The following TBC1D5 variants were observed in gnomAD, a reference collection of about 807,000 sequenced individuals.
The protein encoded by TBC1D5 is TBC1 domain family, member 5.
In TBC1D5, 75 loss-of-function variants were observed where a neutral mutation model predicts 100.3. The observed-to-expected ratio is 0.75, with a 90% CI of 0.62 to 0.91. TBC1D5 has a LOEUF of 0.91. TBC1D5 is among the 40% of genes least tolerant of loss of function. The pLI, the probability that TBC1D5 is intolerant of heterozygous loss-of-function variation, is 0.00. For synonymous variants in TBC1D5, 323 were observed against 325.6 expected, an observed-to-expected ratio of 0.99 and a Z score of 0.09; for missense variants, 910 against 942.4, an observed-to-expected ratio of 0.97 and a Z score of 0.45.
chr3:17,186,864 T>A (rs962202676), intron 18 of TBC1D5, among the ~76,000 whole-genome samples: 9 of 151,644 alleles, frequency 5.9e-5, no homozygotes, highest in African/African-American at 2.2e-4. Flanking sequence ...ATCCTGCAAG[T>A]GTAGCAGCCT....
At chr3:17,712,676 T>C (rs1024701601) in intron 1 of TBC1D5, among the ~76,000 whole-genome samples, 1 of 152,208 alleles carries the variant, frequency 6.6e-6, no homozygotes, top group Admixed American at 6.5e-5. Context: ...GGAGCAGAAG[T>C]ATCACTTCTC....
chr3:17,614,385 C>G (rs186418107), intron 2 of TBC1D5, among the ~76,000 whole-genome samples: 112 of 152,238 alleles, frequency 7.4e-4, no homozygotes, highest in Admixed American at 1.8e-3. Context: ...TTTTTGGTTC[C>G]ATATGAACTT....
chr3:17,211,264 A>T (rs1408344729), intron 18 of TBC1D5, among the ~76,000 whole-genome samples: 1 of 152,240 alleles, frequency 6.6e-6, no homozygotes, highest in Non-Finnish European at 1.5e-5. Flanking sequence ...GAGTATATTT[A>T]TAGCTGTGTA....
chr3:17,258,455 T>C, intron 16 of TBC1D5, 51 bp downstream of exon 16: 1 of 1,550,048 alleles, frequency 6.5e-7, no homozygotes, highest in Non-Finnish European at 8.8e-7. Flanking sequence ...CCTGATGATC[T>C]CTGAGACTAC....
At chr3:17,608,980 C>T (rs1392331445) in intron 2 of TBC1D5, among the ~76,000 whole-genome samples, 6 of 152,180 alleles carry the variant, frequency 3.9e-5, no homozygotes, top group Admixed American at 2.6e-4. Context: ...ACACTTATTC[C>T]TTACCATTTG....
intron 1 of TBC1D5, among the ~76,000 whole-genome samples, chr3:17,628,127 G>C (rs1016234758): frequency 5.9e-5 from 9 of 152,216 alleles, no homozygotes; most frequent in Admixed American, 3.9e-4. Context: ...CCAGCACTTT[G>C]GAAGGCTGAG....
chr3:17,542,658 TTTA>T (rs981530312), intron 2 of TBC1D5, among the ~76,000 whole-genome samples: 7 of 152,258 alleles, frequency 4.6e-5, no homozygotes, highest in Non-Finnish European at 8.8e-5. Context: ...ATTGAGAGTT[TTTA>T]TTAAGAAATA....
At chr3:17,602,797 G>C (rs549070348) in intron 2 of TBC1D5, among the ~76,000 whole-genome samples, 8 of 151,528 alleles carry the variant, frequency 5.3e-5, no homozygotes, top group African/African-American at 1.5e-4. Context: ...GGATGGTCTC[G>C]ATCTCCTGAC....
chr3:17,163,627 A>G (rs2066305210), intron 21 of TBC1D5, among the ~76,000 whole-genome samples: 1 of 152,008 alleles, frequency 6.6e-6, no homozygotes, highest in South Asian at 2.1e-4. Context: ...TCCCAGACCT[A>G]CCTCATTTCA....
At chr3:17,556,666 CTGATT>C (rs1426471019) in intron 2 of TBC1D5, among the ~76,000 whole-genome samples, 2 of 152,150 alleles carry the variant, frequency 1.3e-5, no homozygotes, top group East Asian at 3.8e-4. Context: ...TAAATTAGCT[CTGATT>C]TATCAAAAAG....
intron 2 of TBC1D5, among the ~76,000 whole-genome samples, chr3:17,591,645 C>T (rs117970196): frequency 0.017 from 2,522 of 152,094 alleles, 51 homozygotes; most frequent in South Asian, 0.048. Flanking sequence ...CAGTGGGTCC[C>T]CTGACTCAGC....
intron 3 of TBC1D5, among the ~76,000 whole-genome samples, chr3:17,495,234 T>A (rs983778491): frequency 1.4e-4 from 22 of 152,272 alleles, no homozygotes; most frequent in African/African-American, 4.6e-4. Flanking sequence ...TGCAGCTTCC[T>A]GCATTTTATA....
At chr3:17,380,862 T>A (rs1349356526) in intron 9 of TBC1D5, among the ~76,000 whole-genome samples, 1 of 152,084 alleles carries the variant, frequency 6.6e-6, no homozygotes, top group Non-Finnish European at 1.5e-5. Context: ...TACTACATGA[T>A]AACAGTCTCA....
In TBC1D5 at chr3:17,318,010, A is replaced by G. The variant is rs570280522; in HGVS notation, c.996-9876T>C. Among the ~76,000 whole-genome samples, 1,379 of 152,252 alleles carry G rather than the reference A, an allele frequency of 9.1e-3. 20 individuals are homozygous for G. The highest frequency in any genetic ancestry group is 0.031 in the African/African-American group (1,304 of 41,522). On this transcript the variant is annotated intron_variant, in intron 13 of 21. Coordinates refer to ENST00000253692, the Ensembl canonical transcript of TBC1D5. Reference sequence around the variant, plus strand: ...CAACAATGATAGACTGGATTAAGAAAATGTGGCACACATACACCATGGAAT... The same window carrying G: ...CAACAATGATAGACTGGATTAAGAAGATGTGGCACACATACACCATGGAAT...
At chr3:17,337,195 T>A (rs1455042730) in intron 13 of TBC1D5, among the ~76,000 whole-genome samples, 1 of 138,248 alleles carries the variant, frequency 7.2e-6, no homozygotes, top group Non-Finnish European at 1.5e-5. Context: ...GAGTCTGGGG[T>A]GGTGCCTGAT....
At chr3:17,411,983 T>C (rs955075735) in intron 4 of TBC1D5, among the ~76,000 whole-genome samples, 2 of 152,202 alleles carry the variant, frequency 1.3e-5, no homozygotes, top group Non-Finnish European at 2.9e-5. Flanking sequence ...TTCTATTGAA[T>C]AGTGTTTCAT....
rs77019788 is a variant in TBC1D5 at position 17,464,780 on chromosome 3, C to T, written c.98-36261G>A. Among the ~76,000 whole-genome samples the T allele has an allele frequency of 1.9e-3, 286 of 152,044 alleles. 1 individual carries two copies. The highest frequency in any genetic ancestry group is 6.6e-3 in the African/African-American group (275 of 41,476). On this transcript the variant is annotated intron_variant, in intron 3 of 21. Coordinates refer to ENST00000253692, the Ensembl canonical transcript of TBC1D5. ...TTATGTGATTCTTTCTGAAGAAGTC[C>T]TGGTGAAGTATCTGAAAACTACAAC... is the stretch of plus-strand genomic sequence containing the variant.
intron 2 of TBC1D5, among the ~76,000 whole-genome samples, chr3:17,572,162 C>A (rs1489839689): frequency 6.6e-6 from 1 of 151,884 alleles, no homozygotes; most frequent in African/African-American, 2.4e-5. Flanking sequence ...CCTGCTTATT[C>A]CTGCTCTCTC....
intron 3 of TBC1D5, among the ~76,000 whole-genome samples, chr3:17,488,664 A>C (rs760545999): frequency 2.6e-5 from 4 of 152,160 alleles, no homozygotes; most frequent in Non-Finnish European, 4.4e-5. Flanking sequence ...TTAGGATCTT[A>C]ATCCTGCAAA....
Sources: gnomAD v4.1 joint callset for allele counts (sites outside exome capture counted in the v4.1 genomes callset) on GRCh38, gnomAD v4.1.1 for gene constraint, MANE v1.5 for transcripts, NCBI Gene and HGNC (gene_info 2026-07-23, HGNC 2026-07-21) for gene names.